Variants in ERBB4 observed in about 807,000 individuals in gnomAD.
ERBB4 encodes the protein erb-b2 receptor tyrosine kinase 4.
Under a neutral mutation model 158.0 loss-of-function variants are expected in ERBB4, and 42 were observed. That is an observed-to-expected ratio of 0.27 (90% CI 0.21 to 0.34). ERBB4 has a LOEUF of 0.34. Ranked by LOEUF, ERBB4 falls within the 10% of genes least tolerant of loss-of-function variation. The pLI is 1.00. For missense variants in ERBB4, 1,333 were observed against 1,624.1 expected (o/e 0.82, Z 3.08); for synonymous variants, 583 against 558.7 (o/e 1.04, Z -0.61).
intron 3 of ERBB4, among the ~76,000 whole-genome samples, chr2:211,894,994 A>G (rs1173714027): frequency 6.6e-6 from 1 of 152,142 alleles, no homozygotes; most frequent in Non-Finnish European, 1.5e-5. Context: ...ATGTAGTACA[A>G]TTTTGAAAGG....
intron 20 of ERBB4, among the ~76,000 whole-genome samples, chr2:211,501,622 A>C (rs1013741738): frequency 6.6e-6 from 1 of 152,036 alleles, no homozygotes; most frequent in Non-Finnish European, 1.5e-5. Flanking sequence ...ATGGATGCTT[A>C]AGTACATATG....
intron 1 of ERBB4, among the ~76,000 whole-genome samples, chr2:212,139,237 T>A (rs1289391586): frequency 6.6e-6 from 1 of 152,014 alleles, no homozygotes; most frequent in Non-Finnish European, 1.5e-5. Flanking sequence ...TTTGTAAGTA[T>A]TAGAGATGAA....
chr2:212,459,729 G>A (rs1031671554), intron 1 of ERBB4, among the ~76,000 whole-genome samples: 1 of 152,066 alleles, frequency 6.6e-6, no homozygotes, highest in African/African-American at 2.4e-5. Context: ...CATGGAAATG[G>A]CATAAAAACA....
chr2:211,481,989 A>G (rs2065094243), intron 20 of ERBB4, among the ~76,000 whole-genome samples: 1 of 152,212 alleles, frequency 6.6e-6, no homozygotes, highest in Non-Finnish European at 1.5e-5. Context: ...TTACTGTTTA[A>G]GTAAATTTCC....
rs77197232 is a variant in ERBB4 at position 212,320,068 on chromosome 2, T to G, written c.83-195165A>C. On this transcript the variant is annotated intron_variant, in intron 1 of 27. Coordinates refer to ENST00000342788, the MANE Select transcript of ERBB4 (RefSeq NM_005235.3). ...AATCTTAAAGCAACCAGTGGACAAA[T>G]CTAAGCAAGTAAAAGTGATGGCATT... Among the ~76,000 whole-genome samples the G allele has an allele frequency of 5.4e-3, 813 of 149,866 alleles. 14 individuals are homozygous for G. Among genetic ancestry groups the G allele is most frequent in the African/African-American group, 0.018 (722 of 41,222 alleles).
intron 1 of ERBB4, among the ~76,000 whole-genome samples, chr2:212,127,110 T>C (rs1180561000): frequency 1.3e-5 from 2 of 152,196 alleles, no homozygotes; most frequent in African/African-American, 4.8e-5. Flanking sequence ...TTACTTAGAA[T>C]GTGACCTTAC....
At chr2:211,558,842 A>G (rs989960462) in intron 20 of ERBB4, among the ~76,000 whole-genome samples, 9 of 152,150 alleles carry the variant, frequency 5.9e-5, no homozygotes, top group Non-Finnish European at 1.3e-4. Context: ...TAATTACTAT[A>G]TATTTATTGA....
intron 1 of ERBB4, among the ~76,000 whole-genome samples, chr2:212,287,955 C>T (rs1400180466): frequency 6.6e-6 from 1 of 151,982 alleles, no homozygotes; most frequent in Non-Finnish European, 1.5e-5. Flanking sequence ...CTAATGGGCA[C>T]GAGGCTTAAT....
In ERBB4 at chr2:211,722,706, G is replaced by A. The variant is rs369056268; in HGVS notation, c.742-172C>T. On this transcript the variant is annotated intron_variant, in intron 6 of 27. Transcript: ENST00000342788. ...AAATTTCATAAAACTCTTTTTTCCAGTATCAGTAAATAGGAAAATTTATGG... is the reference window on the plus strand; with the variant it reads ...AAATTTCATAAAACTCTTTTTTCCAATATCAGTAAATAGGAAAATTTATGG... Among the ~76,000 whole-genome samples, 3 of 152,068 alleles carry A rather than the reference G, an allele frequency of 2.0e-5. No homozygotes were observed. In the East Asian group the frequency reaches 5.8e-4, roughly 29 times the overall value.
At chr2:212,312,278 T>C (rs1040037088) in intron 1 of ERBB4, among the ~76,000 whole-genome samples, 2 of 151,014 alleles carry the variant, frequency 1.3e-5, no homozygotes, top group African/African-American at 4.8e-5. Context: ...AATATGAACA[T>C]TGTAAAGTGA....
chr2:212,284,202 T>C (rs2085869805), intron 1 of ERBB4, among the ~76,000 whole-genome samples: 1 of 151,930 alleles, frequency 6.6e-6, no homozygotes, highest in Non-Finnish European at 1.5e-5. Flanking sequence ...TCCATCTGAG[T>C]CTCTAATTAA....
At chr2:212,259,125 G>A (rs1377360920) in intron 1 of ERBB4, among the ~76,000 whole-genome samples, 2 of 152,046 alleles carry the variant, frequency 1.3e-5, no homozygotes, top group Non-Finnish European at 2.9e-5. Context: ...TCCAATTAAT[G>A]TTCTTCATCA....
At chr2:212,161,707 A>G (rs2081206502) in intron 1 of ERBB4, among the ~76,000 whole-genome samples, 1 of 151,922 alleles carries the variant, frequency 6.6e-6, no homozygotes, top group African/African-American at 2.4e-5. Flanking sequence ...CTTATTATTT[A>G]CCATCTGGCA....
At chr2:212,526,924 A>G (rs1692479367) in intron 1 of ERBB4, among the ~76,000 whole-genome samples, 1 of 152,106 alleles carries the variant, frequency 6.6e-6, no homozygotes, top group Non-Finnish European at 1.5e-5. Context: ...AAAAATTAGG[A>G]ATAAAGCCAT....
intron 20 of ERBB4, among the ~76,000 whole-genome samples, chr2:211,534,611 G>T (rs1206905336): frequency 6.6e-6 from 1 of 152,032 alleles, no homozygotes; most frequent in Admixed American, 6.6e-5. Context: ...ATGCTGCTTT[G>T]TAACAGCAGT....
chr2:211,465,137 A>C (rs140798334), intron 20 of ERBB4, among the ~76,000 whole-genome samples: 3,661 of 152,094 alleles, frequency 0.024, 59 homozygotes, highest in African/African-American at 0.05. Context: ...ATGAGCCACC[A>C]CACCCAGCGA....
intron 1 of ERBB4, among the ~76,000 whole-genome samples, chr2:212,303,722 T>A (rs959721602): frequency 5.9e-5 from 9 of 151,526 alleles, no homozygotes; most frequent in African/African-American, 2.2e-4. Flanking sequence ...AATTGAGTAG[T>A]TTTAAAATAA....
At chr2:212,385,923 C>G (rs2106424304) in intron 1 of ERBB4, among the ~76,000 whole-genome samples, 1 of 151,818 alleles carries the variant, frequency 6.6e-6, no homozygotes, top group East Asian at 1.9e-4. Flanking sequence ...AAGAAACAAC[C>G]TCTGAGTTAC....
intron 16 of ERBB4, among the ~76,000 whole-genome samples, chr2:211,653,913 A>G (rs2071112607): frequency 6.6e-6 from 1 of 151,962 alleles, no homozygotes; most frequent in Admixed American, 6.6e-5. Context: ...TGACCTTGTG[A>G]TCTGCCCGCC....
Sources: allele counts gnomAD v4.1 joint callset (sites outside exome capture counted in the v4.1 genomes callset), GRCh38; gene constraint gnomAD v4.1.1; transcripts MANE v1.5; gene names NCBI Gene and HGNC (gene_info 2026-07-23, HGNC 2026-07-21).